Variants in RFX2 observed in about 807,000 individuals in gnomAD.
The protein encoded by RFX2 is DNA-binding protein RFX2.
Under a neutral mutation model 87.8 loss-of-function variants are expected in RFX2, and 20 were observed. That is an observed-to-expected ratio of 0.23 (90% confidence interval 0.16 to 0.33). The LOEUF (loss-of-function observed/expected upper bound fraction) is 0.33. RFX2 is among the 10% of genes least tolerant of loss of function. The pLI is 1.00. For missense variants in RFX2, 767 were observed against 1,012.3 expected, an observed-to-expected ratio of 0.76 and a Z score of 3.29; for synonymous variants, 397 against 431.3, an observed-to-expected ratio of 0.92 and a Z score of 0.98.
At chr19:6,088,180 A>T (rs569460957) in intron 1 of RFX2, among the ~76,000 whole-genome samples, 2 of 150,750 alleles carry the variant, frequency 1.3e-5, no homozygotes, top group Admixed American at 1.3e-4. Flanking sequence ...GACAAAGAAG[A>T]ATGCCACAGA....
At chr19:6,103,811 A>G (rs969761153) in intron 1 of RFX2, among the ~76,000 whole-genome samples, 1 of 152,204 alleles carries the variant, frequency 6.6e-6, no homozygotes. Flanking sequence ...CACTCAGTCA[A>G]GCAAGATGTA....
rs1329487631 is a variant in RFX2 at position 5,994,793 on chromosome 19, G to A, written c.*42C>T. 1 of 1,311,290 alleles carries A rather than the reference G, an allele frequency of 7.6e-7. No individual in the cohort carries two copies. Among genetic ancestry groups the A allele is most frequent in the Non-Finnish European group, 1.1e-6 (1 of 920,314 alleles). 81.2% of individuals were successfully genotyped at this position (1,311,290 alleles called of 1,614,324 possible). A position where few individuals can be genotyped will look rare whatever the true frequency, so the allele number is the denominator to read the frequency against. ...AAATCCAGGTTCCCAGAGTGACCAG[G>A]CGGCATCTTTTGGAACCTCGAGGAG... On this transcript the variant is annotated 3_prime_UTR_variant, in exon 18 of 18. Coordinates refer to ENST00000303657, the MANE Select transcript of RFX2 (RefSeq NM_000635.4).
In RFX2 at chr19:5,994,875, C is replaced by T. The variant is rs201624677; in HGVS notation, c.2132G>A (p.Arg711Gln). 33 of 1,610,680 alleles carry T rather than the reference C, an allele frequency of 2.0e-5. No homozygotes were observed. In the East Asian group the frequency reaches 5.3e-4, roughly 26 times the overall value. ...ARSLGEPLVK[R>Q]ERSDPNHSLQ... The stretch of plus-strand genomic sequence containing the variant: ...GGAGTGGTTGGGGTCACTGCGCTCC[C>T]GCTTTACCAGGGGCTCACCCAGGCT... Residue 711 changes from arginine to glutamine, a missense_variant, in exon 18 of 18, where the codon CGG becomes CAG. Coordinates refer to ENST00000303657, the MANE Select transcript of RFX2 (RefSeq NM_000635.4).
Position 6,013,669 on chromosome 19 carries a change from C to A in RFX2, c.780-564G>T, listed in dbSNP as rs1354538694. Among the ~76,000 whole-genome samples, 1 of 152,018 alleles carries A rather than the reference C, an allele frequency of 6.6e-6. No homozygotes were observed. The highest frequency in any genetic ancestry group is 2.4e-5 in the African/African-American group (1 of 41,372). On this transcript the variant is annotated intron_variant, in intron 7 of 17. Transcript: ENST00000303657. This position sits in a 1 kb window ranked among gnomAD's most constrained non-coding sequence, Gnocchi z 4.1. ...GAGTAGCTGGGACAGCTGGCGTGTG[C>A]CAACACACTCGGATGGTAGAAGTGA...
In RFX2 at chr19:6,001,755, G is replaced by A; in HGVS notation, c.1859+60C>T. On this transcript the variant is annotated intron_variant, in intron 15 of 17. Coordinates refer to ENST00000303657, the MANE Select transcript of RFX2 (RefSeq NM_000635.4). The surrounding 1 kb of genome is among the most constrained non-coding windows in gnomAD (Gnocchi z 5.6). Reference sequence around the variant, plus strand: ...CACCAGCCGAGCCCCCTACCCTCTAGAAGTTTCTCTCAGAGCCCCCCACCC... The same window carrying A: ...CACCAGCCGAGCCCCCTACCCTCTAAAAGTTTCTCTCAGAGCCCCCCACCC... 1 of 1,456,960 alleles carries A rather than the reference G, an allele frequency of 6.9e-7. No individual in the cohort carries two copies. Among genetic ancestry groups the A allele is most frequent in the Non-Finnish European group, 9.4e-7 (1 of 1,068,030 alleles). 90.3% of individuals were successfully genotyped at this position (1,456,960 alleles called of 1,614,324 possible).
Position 6,021,518 on chromosome 19 carries a change from G to A in RFX2, c.597+4645C>T, listed in dbSNP as rs147328667. Among the ~76,000 whole-genome samples the A allele has an allele frequency of 1.3e-5, 2 of 152,324 alleles. No homozygotes were observed. Among genetic ancestry groups the A allele is most frequent in the East Asian group, 3.9e-4 (2 of 5,180 alleles). On this transcript the variant is annotated intron_variant, in intron 6 of 17. Transcript: ENST00000303657. This position sits in a 1 kb window ranked among gnomAD's most constrained non-coding sequence, Gnocchi z 5.7. ...CGGTATAGTAAGTTGAGGTGGGGTG[G>A]GGGTGTCAGGCAGGGCTCACTGAGA...
At chr19:6,053,400 C>CGT (rs1343496725) in intron 1 of RFX2, among the ~76,000 whole-genome samples, 1 of 152,184 alleles carries the variant, frequency 6.6e-6, no homozygotes, top group Non-Finnish European at 1.5e-5. Context: ...TTCTGTATGG[C>CGT]ACTATAATGG....
chr19:6,042,005 G>A (rs1458354987), intron 4 of RFX2, 39 bp downstream of exon 4: 2 of 1,568,662 alleles, frequency 1.3e-6, no homozygotes, highest in Non-Finnish European at 1.8e-6. Context: ...TGGAGTCAGG[G>A]AGAGGGTTCC....
rs1437589356 is a variant in RFX2 at position 6,056,684 on chromosome 19, C to T, written c.-8-9180G>A. Among the ~76,000 whole-genome samples, 5 of 152,240 alleles carry T rather than the reference C, an allele frequency of 3.3e-5. No individual in the cohort carries two copies. The highest frequency in any genetic ancestry group is 7.3e-5 in the Non-Finnish European group (5 of 68,050). On this transcript the variant is annotated intron_variant, in intron 1 of 17. Transcript: ENST00000303657. The surrounding 1 kb of genome is among the most constrained non-coding windows in gnomAD (Gnocchi z 4.6). ...AGTGAGTGGAGGCCATGCTTCTTCTCTGAACCTGAATCTGCTGTGGGAACT... is the reference window on the plus strand; with the variant it reads ...AGTGAGTGGAGGCCATGCTTCTTCTTTGAACCTGAATCTGCTGTGGGAACT...
chr19:6,010,267 G>C lies in RFX2; in HGVS notation c.900-16C>G, dbSNP rs765235465. On this transcript the variant is annotated splice_polypyrimidine_tract_variant and intron_variant, in intron 8 of 17. Transcript: ENST00000303657. The surrounding 1 kb of genome is among the most constrained non-coding windows in gnomAD (Gnocchi z 5.0). The stretch of plus-strand genomic sequence containing the variant: ...TGGCCGGTACCTAGGCCAGGAACAC[G>C]CATACCATCATGAGGCCCAGCAGCC... The C allele has an allele frequency of 2.7e-5, 41 of 1,515,986 alleles. No homozygotes were observed. The highest frequency in any genetic ancestry group is 3.4e-5 in the Non-Finnish European group (38 of 1,120,172). The allele number at this position is 1,515,986 out of a possible 1,614,324, so 93.9% of individuals were successfully genotyped here. A position where few individuals can be genotyped will look rare whatever the true frequency, so the allele number is the denominator to read the frequency against.
intron 1 of RFX2, among the ~76,000 whole-genome samples, chr19:6,103,190 T>C (rs1000534925): frequency 3.3e-5 from 5 of 152,218 alleles, no homozygotes; most frequent in Admixed American, 2.0e-4. Flanking sequence ...CTTTGAAACA[T>C]GGACTGTAGC....
intron 6 of RFX2, among the ~76,000 whole-genome samples, chr19:6,018,662 C>T (rs998630862): frequency 2.0e-5 from 3 of 152,234 alleles, no homozygotes; most frequent in Non-Finnish European, 2.9e-5. Context: ...AGGACAAAAC[C>T]TCCAAGGGGT....
In RFX2 at chr19:6,001,846, G is replaced by A; in HGVS notation, c.1828C>T (p.Arg610Trp). The A allele has an allele frequency of 6.2e-7, 1 of 1,612,506 alleles. No individual in the cohort carries two copies. The highest frequency in any genetic ancestry group is 8.5e-7 in the Non-Finnish European group (1 of 1,179,328). Residue 610 changes from arginine (R) to tryptophan (W), a missense_variant, in exon 15 of 18, where the codon CGG becomes TGG. Coordinates refer to ENST00000303657, the MANE Select transcript of RFX2 (RefSeq NM_000635.4). The surrounding 1 kb of genome is among the most constrained non-coding windows in gnomAD (Gnocchi z 5.6). Reference sequence around the variant, plus strand: ...AAGGACCATTTCAGCAAGAACTGCCGGGCGGCCTTGGGGAAGCTGGGGCTG... The same window carrying A: ...AAGGACCATTTCAGCAAGAACTGCCAGGCGGCCTTGGGGAAGCTGGGGCTG... ...AGSPSFPKAA[R>W]QFLLKWSFYS...
intron 2 of RFX2, among the ~76,000 whole-genome samples, chr19:6,046,605 CTTTTTTT>C (rs55854937): frequency 9.6e-4 from 87 of 90,582 alleles, no homozygotes; most frequent in South Asian, 3.4e-3. Flanking sequence ...GCCTTTTTGC[CTTTTTTT>C]TTTTTTTTTT....
intron 1 of RFX2, among the ~76,000 whole-genome samples, chr19:6,102,343 G>A (rs1051190745): frequency 4.6e-5 from 7 of 152,178 alleles, no homozygotes; most frequent in Admixed American, 3.3e-4. Context: ...AACTGGATAG[G>A]ATAGCACTTT....
chr19:6,080,359 G>A (rs2087762134), intron 1 of RFX2, among the ~76,000 whole-genome samples: 1 of 152,128 alleles, frequency 6.6e-6, no homozygotes, highest in African/African-American at 2.4e-5. Flanking sequence ...AAAATGCTGG[G>A]ATTAAAACGT....
intron 5 of RFX2, among the ~76,000 whole-genome samples, chr19:6,032,838 G>T (rs1041788009): frequency 6.6e-6 from 1 of 152,112 alleles, no homozygotes; most frequent in African/African-American, 2.4e-5. Flanking sequence ...ACCCAGGCTG[G>T]AGTGCAGTGG....
rs12979837 is a variant in RFX2, at chr19:6,074,336, A to G, written c.-8-26832T>C. On this transcript the variant is annotated intron_variant, in intron 1 of 17. Coordinates refer to ENST00000303657, the MANE Select transcript of RFX2 (RefSeq NM_000635.4). The surrounding 1 kb of genome is among the most constrained non-coding windows in gnomAD (Gnocchi z 5.2). ...CTAGCCCCTTCCTAACCTCAAGTCA[A>G]CGAGAAGAGAAGGTGGGCTAGAACC... Among the ~76,000 whole-genome samples the G allele has an allele frequency of 0.15, 22,093 of 152,190 alleles. 2,069 individuals are homozygous for G. The highest frequency in any genetic ancestry group is 0.23 in the Middle Eastern group (69 of 294).
intron 15 of RFX2, among the ~76,000 whole-genome samples, chr19:6,000,557 T>G (rs951471984): frequency 3.3e-5 from 5 of 152,216 alleles, no homozygotes; most frequent in African/African-American, 1.2e-4. Context: ...GACAGATGTT[T>G]CCTGTGCTGT....
Sources: gnomAD v4.1 joint callset for allele counts (sites outside exome capture counted in the v4.1 genomes callset) on GRCh38, gnomAD v4.1.1 for gene constraint, Gnocchi (gnomAD v3.1) non-coding constraint, MANE v1.5 for transcripts, NCBI Gene and HGNC (gene_info 2026-07-23, HGNC 2026-07-21) for gene names.